Variants in IL1RAPL2 observed in about 807,000 individuals in gnomAD.
The protein encoded by IL1RAPL2 is X-linked interleukin-1 receptor accessory protein-like 2.
In IL1RAPL2, 3 loss-of-function variants were observed where a neutral mutation model predicts 44.1. The ratio of observed to expected loss-of-function variants is 0.07; its 90% confidence interval spans 0.03 to 0.18. The LOEUF (loss-of-function observed/expected upper bound fraction) is 0.18. Ranked by LOEUF, IL1RAPL2 falls within the 10% of genes least tolerant of loss-of-function variation. The pLI is 1.00. For missense variants in IL1RAPL2, 391 were observed against 496.4 expected, an observed-to-expected ratio of 0.79 and a Z score of 2.02; for synonymous variants, 181 against 178.8, an observed-to-expected ratio of 1.01 and a Z score of -0.10.
At position 105,055,754 on chromosome X, in the gene IL1RAPL2, G is replaced by A. The variant is rs956064957; in HGVS notation, c.83-139721G>A. Among the ~76,000 whole-genome samples the A allele has an allele frequency of 4.6e-5, 5 of 108,813 alleles. No individual in the cohort carries two copies. In the East Asian group the frequency reaches 1.2e-3, roughly 26 times the overall value. The allele number at this position is 108,813 out of a possible 115,157, so 94.5% of individuals were successfully genotyped here. ...TAGAATTGCCCACAGTTACAACTCCGAAACCACTGTAGGAAAAGCCCCCAG... is the reference window on the plus strand; with the variant it reads ...TAGAATTGCCCACAGTTACAACTCCAAAACCACTGTAGGAAAAGCCCCCAG... On this transcript the variant is annotated intron_variant, in intron 2 of 10. Transcript: ENST00000372582.
At chrX:104,890,238 A>T (rs1314149999) in intron 2 of IL1RAPL2, among the ~76,000 whole-genome samples, 3 of 111,787 alleles carry the variant, frequency 2.7e-5, no homozygotes, top group Admixed American at 9.5e-5. Flanking sequence ...TGCTATCGTG[A>T]ATAGTGCCGC....
At chrX:104,918,544 G>A (rs936143460) in intron 2 of IL1RAPL2, among the ~76,000 whole-genome samples, 4 of 112,014 alleles carry the variant, frequency 3.6e-5, no homozygotes, top group African/African-American at 9.7e-5. Flanking sequence ...GGCAAAGGGG[G>A]TTTGCATCTA....
In IL1RAPL2 at chrX:105,767,562, C is replaced by A. The variant is rs755288128; in HGVS notation, c.1962C>A (p.Pro654=). The A allele has an allele frequency of 8.3e-7, 1 of 1,210,044 alleles. No individual in the cohort carries two copies. Among genetic ancestry groups the A allele is most frequent in the Admixed American group, 2.2e-5 (1 of 46,001 alleles). The change falls in exon 11 of 11, where the codon CCC becomes CCA. Residue 654 remains proline, a synonymous_variant. Transcript: ENST00000372582. The stretch of plus-strand genomic sequence containing the variant: ...TGACGCTACTCAACGGACAGCTACC[C>A]CTTAATAACACCCTGAAAGATACCC... The part of the protein sequence containing the change: ...LPLTLLNGQL[P]LNNTLKDTQE...
chrX:105,025,066 ATAGACAAAAAC>A (rs2031345631), intron 2 of IL1RAPL2, among the ~76,000 whole-genome samples: 1 of 110,535 alleles, frequency 9.0e-6, no homozygotes, highest in Admixed American at 9.7e-5. Flanking sequence ...GGGGATTATT[ATAGACAAAAAC>A]TCTTTTAAGA....
chrX:104,656,558 G>T (rs977813598), intron 1 of IL1RAPL2, among the ~76,000 whole-genome samples: 2 of 111,749 alleles, frequency 1.8e-5, no homozygotes, highest in African/African-American at 6.5e-5. Context: ...TGTGATTTCT[G>T]TTCTTTTATA....
At chrX:105,033,125 G>T (rs1027392669) in intron 2 of IL1RAPL2, among the ~76,000 whole-genome samples, 1 of 111,255 alleles carries the variant, frequency 9.0e-6, no homozygotes, top group Non-Finnish European at 1.9e-5. Context: ...GTCTCTGCAC[G>T]TGAGATGGGT....
chrX:104,968,604 T>A (rs986358605), intron 2 of IL1RAPL2, among the ~76,000 whole-genome samples: 1 of 111,651 alleles, frequency 9.0e-6, no homozygotes, highest in African/African-American at 3.2e-5. Flanking sequence ...TCACAGTGTA[T>A]AGACTTTCAT....
At chrX:105,615,332 C>T (rs748816834) in intron 6 of IL1RAPL2, among the ~76,000 whole-genome samples, 2 of 111,661 alleles carry the variant, frequency 1.8e-5, no homozygotes, top group African/African-American at 3.3e-5. Flanking sequence ...CTGCTGTGTA[C>T]AGAACCAAGA....
chrX:104,586,365 G>A (rs1346745733), intron 1 of IL1RAPL2, among the ~76,000 whole-genome samples: 1 of 111,765 alleles, frequency 8.9e-6, no homozygotes, highest in East Asian at 2.8e-4. Context: ...TGCATAGTTT[G>A]CAAATATTTT....
At chrX:105,325,273 T>G (rs2034927218) in intron 5 of IL1RAPL2, among the ~76,000 whole-genome samples, 1 of 110,529 alleles carries the variant, frequency 9.0e-6, no homozygotes, top group Non-Finnish European at 1.9e-5. Flanking sequence ...TTCTGGAAAT[T>G]TTATATAAAA....
At chrX:105,740,736 C>G (rs771579744) in intron 8 of IL1RAPL2, 45 bp downstream of exon 8, 1 of 1,103,969 alleles carries the variant, frequency 9.1e-7, no homozygotes, top group Admixed American at 2.3e-5. Flanking sequence ...TAGCTATCAA[C>G]AACTATTGAA....
chrX:104,630,783 G>T lies in IL1RAPL2; in HGVS notation c.-19-28112G>T, dbSNP rs749158478. ...AACAATGTTAATTATTCCTATGCAT[G>T]AGCATAGAATATTGTTTCATTTGTT... is the stretch of plus-strand genomic sequence containing the variant. On this transcript the variant is annotated intron_variant, in intron 1 of 10. Coordinates refer to ENST00000372582, the MANE Select transcript of IL1RAPL2 (RefSeq NM_017416.2). Among the ~76,000 whole-genome samples the T allele has an allele frequency of 2.7e-5, 3 of 110,229 alleles. No individual in the cohort carries two copies. In the East Asian group the frequency reaches 8.5e-4, roughly 31 times the overall value.
At chrX:104,802,810 TAGA>T (rs1932894258) in intron 2 of IL1RAPL2, among the ~76,000 whole-genome samples, 2 of 111,391 alleles carry the variant, frequency 1.8e-5, no homozygotes, top group African/African-American at 6.5e-5. Flanking sequence ...CACTGTCCTC[TAGA>T]ATATCAATCC....
intron 5 of IL1RAPL2, among the ~76,000 whole-genome samples, chrX:105,312,218 T>C (rs984056527): frequency 9.0e-6 from 1 of 111,704 alleles, no homozygotes; most frequent in Admixed American, 9.6e-5. Context: ...AAAGAAAGGA[T>C]TATGATACTC....
chrX:104,789,542 C>T (rs1932815497), intron 2 of IL1RAPL2, among the ~76,000 whole-genome samples: 1 of 111,660 alleles, frequency 9.0e-6, no homozygotes, highest in African/African-American at 3.3e-5. Context: ...AATGGATCAC[C>T]AATTGATAGT....
intron 1 of IL1RAPL2, among the ~76,000 whole-genome samples, chrX:104,635,698 T>A (rs997555123): frequency 8.9e-6 from 1 of 112,004 alleles, no homozygotes; most frequent in Non-Finnish European, 1.9e-5. Context: ...CTCCATCAGC[T>A]CCTTTAAGGA....
intron 6 of IL1RAPL2, among the ~76,000 whole-genome samples, chrX:105,711,614 A>G (rs1207071753): frequency 9.0e-6 from 1 of 111,411 alleles, no homozygotes; most frequent in Non-Finnish European, 1.9e-5. Context: ...TTCCATACCA[A>G]TAGCCCCAAA....
At chrX:105,382,899 C>T (rs1242554613) in intron 5 of IL1RAPL2, among the ~76,000 whole-genome samples, 3 of 97,066 alleles carry the variant, frequency 3.1e-5, no homozygotes, top group Non-Finnish European at 4.0e-5. Context: ...TGTTCTCACT[C>T]ATAGGTGGGA....
intron 2 of IL1RAPL2, among the ~76,000 whole-genome samples, chrX:105,105,029 C>T (rs2032720857): frequency 8.9e-6 from 1 of 112,069 alleles, no homozygotes; most frequent in African/African-American, 3.2e-5. Context: ...TTGTTCACTG[C>T]AGTGTCTTTC....
Sources: allele counts gnomAD v4.1 joint callset (sites outside exome capture counted in the v4.1 genomes callset), GRCh38; gene constraint gnomAD v4.1.1; transcripts MANE v1.5; gene names NCBI Gene and HGNC (gene_info 2026-07-23, HGNC 2026-07-21).